Variants in DEPDC1B observed in about 807,000 individuals in gnomAD.
The protein encoded by DEPDC1B is DEP domain-containing protein 1B.
In DEPDC1B, 51 loss-of-function variants were observed where a neutral mutation model predicts 66.5. The ratio of observed to expected loss-of-function variants is 0.77; its 90% CI spans 0.61 to 0.97. The LOEUF is 0.97. DEPDC1B is among the 50% of genes least tolerant of loss of function. The pLI, the probability that DEPDC1B is intolerant of heterozygous loss-of-function variation, is 0.00. For missense variants in DEPDC1B, 552 were observed against 637.1 expected (o/e 0.87, Z 1.44); for synonymous variants, 226 against 223.6 (o/e 1.01, Z -0.10).
intron 7 of DEPDC1B, among the ~76,000 whole-genome samples, chr5:60,616,426 C>G (rs1287373887): frequency 1.3e-5 from 2 of 151,962 alleles, no homozygotes; most frequent in South Asian, 2.1e-4. Flanking sequence ...ACTAGAATAA[C>G]CAATGCAGAG....
At chr5:60,679,800 T>C (rs1310260396) in intron 2 of DEPDC1B, among the ~76,000 whole-genome samples, 9 of 152,238 alleles carry the variant, frequency 5.9e-5, no homozygotes, top group Non-Finnish European at 1.2e-4. Flanking sequence ...CTTTTCTCAT[T>C]AAATAATCCA....
chr5:60,640,419 G>T (rs923308994), intron 6 of DEPDC1B, among the ~76,000 whole-genome samples: 1 of 152,058 alleles, frequency 6.6e-6, no homozygotes, highest in Non-Finnish European at 1.5e-5. Flanking sequence ...ATCAGTGCAT[G>T]GTGAGCCCTA....
chr5:60,646,646 G>A (rs1753323035), intron 3 of DEPDC1B, among the ~76,000 whole-genome samples: 1 of 152,184 alleles, frequency 6.6e-6, no homozygotes. Flanking sequence ...TGAACGAGGT[G>A]TCCTCAACCC....
intron 2 of DEPDC1B, among the ~76,000 whole-genome samples, chr5:60,674,995 T>G (rs1033270676): frequency 1.3e-5 from 2 of 152,140 alleles, no homozygotes; most frequent in African/African-American, 4.8e-5. Flanking sequence ...ACTTCTGTCC[T>G]TGCTCCTGCA....
chr5:60,602,806 G>A (rs1420831971), intron 9 of DEPDC1B, among the ~76,000 whole-genome samples: 1 of 152,142 alleles, frequency 6.6e-6, no homozygotes, highest in Non-Finnish European at 1.5e-5. Flanking sequence ...AATCCAAAGC[G>A]GTTAAGGGAC....
intron 1 of DEPDC1B, among the ~76,000 whole-genome samples, chr5:60,698,025 G>A (rs1277644438): frequency 2.0e-5 from 3 of 152,006 alleles, no homozygotes. Context: ...CCAATTATGA[G>A]GTATTTTTTT....
At chr5:60,650,210 A>G (rs1240905937) in intron 2 of DEPDC1B, among the ~76,000 whole-genome samples, 1 of 152,062 alleles carries the variant, frequency 6.6e-6, no homozygotes, top group Non-Finnish European at 1.5e-5. Context: ...AAGAAACATG[A>G]TCAACTGATT....
chr5:60,614,944 T>C (rs2111752529), intron 7 of DEPDC1B, among the ~76,000 whole-genome samples: 1 of 152,232 alleles, frequency 6.6e-6, no homozygotes, highest in Middle Eastern at 3.4e-3. Flanking sequence ...TCAGCCAAGA[T>C]CATGTCACTG....
rs1470948269 is a variant in DEPDC1B, at chr5:60,603,397, T to A, written c.1236A>T (p.Arg412Ser). 1 of 1,570,092 alleles carries A rather than the reference T, an allele frequency of 6.4e-7. No homozygotes were observed. Among genetic ancestry groups the A allele is most frequent in the Non-Finnish European group, 8.6e-7 (1 of 1,165,000 alleles). The change falls in exon 9 of 11, where the codon AGA (arginine) becomes AGT (serine). Residue 412 changes from arginine (R) to serine (S), a missense_variant. Physicochemically the swap from Arg to Ser is moderately radical, Grantham distance 110. Coordinates refer to ENST00000265036, the MANE Select transcript of DEPDC1B (RefSeq NM_018369.3). ...ATAATATCCTCTCCTTTACCTGGAC[T>A]CTTCGTAGATGAGCCACACGCTCCT... Reference protein sequence around the residue: ...SIEERVAHLRRVQIKYPGADM... With the variant: ...SIEERVAHLRSVQIKYPGADM...
intron 6 of DEPDC1B, 97 bp downstream of exon 6, chr5:60,642,715 G>A (rs1268637410): frequency 2.5e-6 from 2 of 812,888 alleles, no homozygotes; most frequent in African/African-American, 1.7e-5. Flanking sequence ...TCTCACAGGT[G>A]TCACATCAAT....
At chr5:60,679,809 C>A (rs944545542) in intron 2 of DEPDC1B, among the ~76,000 whole-genome samples, 1 of 152,130 alleles carries the variant, frequency 6.6e-6, no homozygotes, top group Non-Finnish European at 1.5e-5. Flanking sequence ...TTAAATAATC[C>A]AAAACAATTA....
rs193144389 is a variant in DEPDC1B, at chr5:60,688,111, G to T, written c.49-884C>A. On this transcript the variant is annotated intron_variant, in intron 1 of 10. Transcript: ENST00000265036. ...TATGTGAAAGGCATTGTAGGAGGAG[G>T]AGGAAAAGAGATGAAAAAGATAATA... Among the ~76,000 whole-genome samples the T allele has an allele frequency of 2.3e-3, 344 of 152,140 alleles. 3 individuals are homozygous for T. The highest frequency in any genetic ancestry group is 3.7e-4 in the Non-Finnish European group (25 of 68,020).
intron 7 of DEPDC1B, among the ~76,000 whole-genome samples, chr5:60,634,480 G>A (rs1317936299): frequency 1.3e-5 from 2 of 151,896 alleles, no homozygotes. Context: ...AGACCATCCT[G>A]GCTAACACGG....
intron 2 of DEPDC1B, chr5:60,648,170 G>A (rs1753364617): frequency 6.6e-6 from 1 of 152,142 alleles, no homozygotes; most frequent in Non-Finnish European, 1.5e-5. Flanking sequence ...GTTTGCCTAA[G>A]AGCAGAGTAT....
intron 7 of DEPDC1B, among the ~76,000 whole-genome samples, chr5:60,627,035 A>G (rs1255911412): frequency 2.0e-5 from 3 of 152,104 alleles, no homozygotes; most frequent in Non-Finnish European, 4.4e-5. Flanking sequence ...TTATTTTTCA[A>G]TTCATTCAAA....
chr5:60,663,685 G>C (rs936691879), intron 2 of DEPDC1B, among the ~76,000 whole-genome samples: 2 of 152,192 alleles, frequency 1.3e-5, no homozygotes, highest in African/African-American at 4.8e-5. Context: ...CCCAAGACTT[G>C]AGCCAGTTCT....
chr5:60,642,697 ACTGCCAGT>A (rs1481997373), intron 6 of DEPDC1B, 107 bp downstream of exon 6: 10 of 696,054 alleles, frequency 1.4e-5, no homozygotes, highest in Non-Finnish European at 2.2e-5. Flanking sequence ...AAAATAATTA[ACTGCCAGT>A]CTCACAGGTG....
At chr5:60,698,281 T>C (rs902977755) in intron 1 of DEPDC1B, among the ~76,000 whole-genome samples, 13 of 152,254 alleles carry the variant, frequency 8.5e-5, no homozygotes, top group Non-Finnish European at 1.6e-4. Flanking sequence ...CTCTGTGGCT[T>C]TGCCACCCTG....
chr5:60,618,749 A>G (rs1197699565), intron 7 of DEPDC1B, among the ~76,000 whole-genome samples: 2 of 152,330 alleles, frequency 1.3e-5, no homozygotes, highest in East Asian at 3.9e-4. Context: ...AACTATTCCA[A>G]TCAATAGAAA....
Sources: allele counts gnomAD v4.1 joint callset (sites outside exome capture counted in the v4.1 genomes callset), GRCh38; gene constraint gnomAD v4.1.1; transcripts MANE v1.5; gene names NCBI Gene and HGNC (gene_info 2026-07-23, HGNC 2026-07-21).